Variants in BCHE observed in about 807,000 individuals in gnomAD.
BCHE encodes the protein butyrylcholinesterase, also known as cholinesterase.
BCHE carries 48 observed loss-of-function variants against 51.3 expected under a neutral mutation model. The observed-to-expected ratio is 0.94, with a 90% CI of 0.74 to 1.19. The LOEUF (loss-of-function observed/expected upper bound fraction) is 1.19. BCHE is among the 50% of genes most tolerant of loss of function. The pLI is 0.00. For missense variants in BCHE, 847 were observed against 708.2 expected, an observed-to-expected ratio of 1.20 and a Z score of -2.23; for synonymous variants, 251 against 238.0, an observed-to-expected ratio of 1.05 and a Z score of -0.50.
intron 2 of BCHE, among the ~76,000 whole-genome samples, chr3:165,816,411 C>G (rs1714315019): frequency 6.6e-6 from 1 of 151,910 alleles, no homozygotes; most frequent in African/African-American, 2.4e-5. Context: ...AAAAGCAAGG[C>G]CAATCGAAAA....
chr3:165,786,413 A>G, intron 2 of BCHE, 102 bp from the exon 3 acceptor site: 2 of 1,167,332 alleles, frequency 1.7e-6, no homozygotes, highest in Non-Finnish European at 2.4e-6. Flanking sequence ...AAAGAATTTA[A>G]GACAGAAAAA....
chr3:165,786,668 C>T (rs1277324645), intron 2 of BCHE, among the ~76,000 whole-genome samples: 1 of 151,520 alleles, frequency 6.6e-6, no homozygotes, highest in Non-Finnish European at 1.5e-5. Context: ...TATCCTAGGC[C>T]CAAAAATTTC....
Position 165,831,040 on chromosome 3 carries a change from T to G in BCHE, c.-7A>C. 6.2e-7 allele frequency: 1 copy of G among 1,607,674 alleles called. No homozygotes were observed. Among genetic ancestry groups the G allele is most frequent in the South Asian group, 1.1e-5 (1 of 90,822 alleles). ...TTGTGACTTTGCTATGCATATTGAT[T>G]TCTGAAAGAGAGGTAAGTATAATGT... On this transcript the variant is annotated splice_region_variant and 5_prime_UTR_variant, in exon 2 of 4. Coordinates refer to ENST00000264381, the MANE Select transcript of BCHE (RefSeq NM_000055.4).
Position 165,802,940 on chromosome 3 carries a change from A to G in BCHE, c.1518-16629T>C, listed in dbSNP as rs557537823. 2.0e-5 allele frequency among the ~76,000 whole-genome samples: 3 copies of G among 152,036 alleles called. 1 individual carries two copies. The South Asian group carries it at 6.2e-4, about 32-fold the overall frequency. On this transcript the variant is annotated intron_variant, in intron 2 of 3. Transcript: ENST00000264381. ...GTATTTTTAGTAGAGCCGGGGTTTC[A>G]CCGTTTTAGCCTGGATGGTCTTGAT...
chr3:165,774,544 T>A (rs952790956), intron 3 of BCHE, among the ~76,000 whole-genome samples: 1 of 152,116 alleles, frequency 6.6e-6, no homozygotes, highest in East Asian at 1.9e-4. Context: ...CCATGTTGGT[T>A]GGCCAGGCTG....
intron 1 of BCHE, among the ~76,000 whole-genome samples, chr3:165,833,023 T>C (rs1715047048): frequency 6.6e-6 from 1 of 152,144 alleles, no homozygotes; most frequent in South Asian, 2.1e-4. Flanking sequence ...TATTTCTATA[T>C]CTAATTCTAA....
At chr3:165,796,750 TA>T (rs1236297167) in intron 2 of BCHE, among the ~76,000 whole-genome samples, 1 of 152,166 alleles carries the variant, frequency 6.6e-6, no homozygotes, top group Non-Finnish European at 1.5e-5. Context: ...AATACTTCAC[TA>T]AAGTCGTTGG....
rs562313138 is a variant in BCHE at position 165,790,885 on chromosome 3, G to A, written c.1518-4574C>T. ...TGGAGGGAGCAAGGGAATGAGTGTA[G>A]GAGGTGAGGTTGGAGAGGGGACAGT... is the stretch of plus-strand genomic sequence containing the variant. On this transcript the variant is annotated intron_variant, in intron 2 of 3. Transcript: ENST00000264381. 1.1e-4 allele frequency among the ~76,000 whole-genome samples: 16 copies of A among 152,246 alleles called. No individual in the cohort carries two copies. The South Asian group carries it at 3.3e-3, about 32-fold the overall frequency.
At chr3:165,836,815 G>A (rs1486109547) in intron 1 of BCHE, among the ~76,000 whole-genome samples, 2 of 151,948 alleles carry the variant, frequency 1.3e-5, no homozygotes, top group East Asian at 3.9e-4. Flanking sequence ...TTTGCCAGTT[G>A]TTACTGTTAA....
At chr3:165,781,007 C>G (rs531838380) in intron 3 of BCHE, among the ~76,000 whole-genome samples, 69 of 152,064 alleles carry the variant, frequency 4.5e-4, no homozygotes, top group South Asian at 4.2e-3. Flanking sequence ...TTTGGGAGGC[C>G]GAGGTAGGTG....
At chr3:165,814,715 A>T (rs1714236025) in intron 2 of BCHE, among the ~76,000 whole-genome samples, 1 of 152,006 alleles carries the variant, frequency 6.6e-6, no homozygotes, top group African/African-American at 2.4e-5. Context: ...GCTTTTGTCA[A>T]AATTTTGTTC....
intron 2 of BCHE, among the ~76,000 whole-genome samples, chr3:165,819,748 T>TAGAG (rs55704939): frequency 0.88 from 133,954 of 151,746 alleles, 59,322 homozygotes; most frequent in East Asian, 0.92. Flanking sequence ...ATTCAATAAA[T>TAGAG]AATCATTAGC....
intron 3 of BCHE, among the ~76,000 whole-genome samples, chr3:165,777,967 A>G (rs1712538400): frequency 6.6e-6 from 1 of 152,110 alleles, no homozygotes; most frequent in African/African-American, 2.4e-5. Flanking sequence ...TGTTAATCAA[A>G]TGTTTACATT....
intron 2 of BCHE, among the ~76,000 whole-genome samples, chr3:165,794,311 A>T (rs1446255973): frequency 6.6e-6 from 1 of 152,168 alleles, no homozygotes; most frequent in Non-Finnish European, 1.5e-5. Flanking sequence ...GAATCTTTAA[A>T]GATAAAAGAA....
chr3:165,820,880 A>G (rs1714488596), intron 2 of BCHE, among the ~76,000 whole-genome samples: 1 of 152,044 alleles, frequency 6.6e-6, no homozygotes, highest in African/African-American at 2.4e-5. Flanking sequence ...TTGTAAGCAT[A>G]CTTAATGACT....
chr3:165,785,595 C>A (rs542548044), intron 3 of BCHE, among the ~76,000 whole-genome samples: 257 of 151,646 alleles, frequency 1.7e-3, no homozygotes, highest in African/African-American at 6.0e-3. Flanking sequence ...AATATTATAT[C>A]ATATCATATT....
At chr3:165,832,680 G>A (rs902890696) in intron 1 of BCHE, among the ~76,000 whole-genome samples, 1 of 152,106 alleles carries the variant, frequency 6.6e-6, no homozygotes. Context: ...ATCCATTAAT[G>A]TACAAAGCCT....
intron 2 of BCHE, among the ~76,000 whole-genome samples, chr3:165,786,558 C>T (rs1712962738): frequency 6.6e-6 from 1 of 151,658 alleles, no homozygotes; most frequent in Non-Finnish European, 1.5e-5. Flanking sequence ...TTCTGCTTAA[C>T]ATATTGGAAG....
At chr3:165,774,334 A>T (rs1370993982) in intron 3 of BCHE, among the ~76,000 whole-genome samples, 3 of 151,716 alleles carry the variant, frequency 2.0e-5, no homozygotes, top group Non-Finnish European at 1.5e-5. Context: ...GTTTTATTTT[A>T]TTTATTTATT....
Sources: gnomAD v4.1 joint callset for allele counts (sites outside exome capture counted in the v4.1 genomes callset) on GRCh38, gnomAD v4.1.1 for gene constraint, MANE v1.5 for transcripts, NCBI Gene and HGNC (gene_info 2026-07-23, HGNC 2026-07-21) for gene names.